PTPRD: variants seen among roughly 807,000 people sequenced by gnomAD.
The protein encoded by PTPRD is receptor-type tyrosine-protein phosphatase delta.
A neutral mutation model predicts 214.5 loss-of-function variants in PTPRD; 34 were observed. The ratio of observed to expected loss-of-function variants is 0.16; its 90% confidence interval spans 0.12 to 0.21. The LOEUF is 0.21. Among genes scored for constraint, PTPRD ranks in the 10% least tolerant of loss-of-function variants. The probability of loss-of-function intolerance (pLI) is 1.00; values close to 1 mark genes in which losing one functional copy is unlikely to be tolerated. For synonymous variants in PTPRD, 1,128 were observed against 845.7 expected, an observed-to-expected ratio of 1.33 and a Z score of -5.79; for missense variants, 2,545 against 2,398.7, an observed-to-expected ratio of 1.06 and a Z score of -1.27.
At chr9:10,518,058 C>T (rs1283872283) in intron 2 of PTPRD, among the ~76,000 whole-genome samples, 1 of 152,126 alleles carries the variant, frequency 6.6e-6, no homozygotes, top group African/African-American at 2.4e-5. Context: ...AAAAAACTGT[C>T]ACATGGGTGA....
rs182057190 is a variant in PTPRD, at chr9:10,063,782, G to C, written c.-544-29992C>G. ...CAATGTAGCAATACCAGCTAGTTCA[G>C]AGGTAACTGGACTGTGAAACATCTA... On this transcript the variant is annotated intron_variant, in intron 3 of 45. Coordinates refer to ENST00000381196, the MANE Select transcript of PTPRD (RefSeq NM_002839.4). Among the ~76,000 whole-genome samples the C allele has an allele frequency of 7.3e-4, 111 of 152,110 alleles. 1 individual carries two copies. Among genetic ancestry groups the C allele is most frequent in the African/African-American group, 2.3e-3 (97 of 41,554 alleles).
chr9:9,340,210 A>G (rs1435998130), intron 9 of PTPRD, among the ~76,000 whole-genome samples: 1 of 152,166 alleles, frequency 6.6e-6, no homozygotes, highest in Non-Finnish European at 1.5e-5. Context: ...CCCATAATCA[A>G]TATGTGGATA....
chr9:9,330,930 T>A (rs2042074884), intron 9 of PTPRD, among the ~76,000 whole-genome samples: 1 of 151,742 alleles, frequency 6.6e-6, no homozygotes. Flanking sequence ...AAATGATATC[T>A]TTGCAGCAAT....
chr9:8,786,825 T>C (rs2096002080), intron 11 of PTPRD, among the ~76,000 whole-genome samples: 1 of 152,084 alleles, frequency 6.6e-6, no homozygotes, highest in South Asian at 2.1e-4. Flanking sequence ...GAATCTATTT[T>C]AAGTATCTCA....
chr9:9,158,221 T>C (rs12375909), intron 10 of PTPRD, among the ~76,000 whole-genome samples: 46,037 of 152,098 alleles, frequency 0.3, 7,449 homozygotes, highest in Middle Eastern at 0.38. Context: ...CCTGGCTATG[T>C]GGCTATATAC....
chr9:10,588,503 G>T (rs2074537274), intron 2 of PTPRD, among the ~76,000 whole-genome samples: 1 of 149,936 alleles, frequency 6.7e-6, no homozygotes, highest in Non-Finnish European at 1.5e-5. Context: ...ATTAATCTAA[G>T]CTATCCAAAT....
intron 2 of PTPRD, among the ~76,000 whole-genome samples, chr9:10,381,101 C>G (rs1172539910): frequency 6.9e-6 from 1 of 144,892 alleles, no homozygotes; most frequent in Non-Finnish European, 1.5e-5. Flanking sequence ...AATATAAGAC[C>G]AAAAAAAAAA....
At chr9:10,589,156 C>T (rs2074746372) in intron 2 of PTPRD, among the ~76,000 whole-genome samples, 1 of 151,966 alleles carries the variant, frequency 6.6e-6, no homozygotes, top group Admixed American at 6.6e-5. Context: ...AGTCAGAAAA[C>T]ACAGTAGGAA....
intron 5 of PTPRD, among the ~76,000 whole-genome samples, chr9:9,809,181 G>T (rs956032021): frequency 6.6e-6 from 1 of 151,414 alleles, no homozygotes; most frequent in African/African-American, 2.4e-5. Flanking sequence ...AGGTTTGTAG[G>T]CCTTTTTTTC....
chr9:9,309,805 G>A (rs191083648), intron 9 of PTPRD, among the ~76,000 whole-genome samples: 9 of 152,272 alleles, frequency 5.9e-5, no homozygotes, highest in Admixed American at 5.2e-4. Flanking sequence ...GTTAAAATTA[G>A]AATTTCCAAA....
At chr9:9,323,619 C>A (rs1228144472) in intron 9 of PTPRD, among the ~76,000 whole-genome samples, 1 of 152,114 alleles carries the variant, frequency 6.6e-6, no homozygotes, top group African/African-American at 2.4e-5. Flanking sequence ...AAATTGGCTT[C>A]TTTACTTCCA....
chr9:10,315,719 G>C (rs1195501936), intron 3 of PTPRD, among the ~76,000 whole-genome samples: 1 of 151,896 alleles, frequency 6.6e-6, no homozygotes, highest in Admixed American at 6.6e-5. Context: ...GCCCTTTACA[G>C]TTCCGCAGGG....
chr9:9,244,917 A>G (rs1438275436), intron 9 of PTPRD, among the ~76,000 whole-genome samples: 2 of 152,218 alleles, frequency 1.3e-5, no homozygotes, highest in Non-Finnish European at 2.9e-5. Flanking sequence ...CAGAATCTAC[A>G]AAGAACTCAA....
intron 4 of PTPRD, among the ~76,000 whole-genome samples, chr9:9,972,299 C>T (rs2095148509): frequency 6.6e-6 from 1 of 152,130 alleles, no homozygotes; most frequent in South Asian, 2.1e-4. Flanking sequence ...AGAGTGAAAA[C>T]TTGCCCCTAT....
chr9:9,647,877 C>A (rs1397328765), intron 7 of PTPRD, among the ~76,000 whole-genome samples: 1 of 152,156 alleles, frequency 6.6e-6, no homozygotes, highest in East Asian at 1.9e-4. Context: ...ACCCTAAGAT[C>A]AAAATGTTGC....
chr9:10,429,379 G>T (rs1175315706), intron 2 of PTPRD, among the ~76,000 whole-genome samples: 1 of 151,864 alleles, frequency 6.6e-6, no homozygotes, highest in East Asian at 1.9e-4. Flanking sequence ...AAGAAACCCT[G>T]CAGTTTCATG....
intron 2 of PTPRD, among the ~76,000 whole-genome samples, chr9:10,346,995 T>C (rs2154449113): frequency 1.3e-5 from 2 of 152,308 alleles, no homozygotes; most frequent in East Asian, 3.9e-4. Context: ...TTAAATACTT[T>C]TATCTTTCAG....
At position 8,527,339 on chromosome 9, in the gene PTPRD, A is replaced by C; in HGVS notation, c.550+6T>G. On this transcript the variant is annotated splice_donor_region_variant and intron_variant, in intron 16 of 45. Coordinates refer to ENST00000381196, the MANE Select transcript of PTPRD (RefSeq NM_002839.4). ...GTTGAAGTGCGCTTCAGAACTAAGC[A>C]CTTACCAATAGATTCTGGAGATTTA... 6.2e-7 allele frequency: 1 copy of C among 1,607,444 alleles called. No homozygotes were observed. Among genetic ancestry groups the C allele is most frequent in the Non-Finnish European group, 8.5e-7 (1 of 1,176,804 alleles).
chr9:9,458,145 G>T (rs1804337764), intron 8 of PTPRD, among the ~76,000 whole-genome samples: 2 of 151,934 alleles, frequency 1.3e-5, no homozygotes, highest in South Asian at 4.1e-4. Context: ...TGTTTTCAGA[G>T]CATAGAAGTT....
Sources: allele counts gnomAD v4.1 joint callset (sites outside exome capture counted in the v4.1 genomes callset), GRCh38; gene constraint gnomAD v4.1.1; transcripts MANE v1.5; gene names NCBI Gene and HGNC (gene_info 2026-07-23, HGNC 2026-07-21).